The following LETM2 variants were observed in gnomAD, a reference collection of about 807,000 sequenced individuals.
LETM2 encodes LETM1 domain-containing protein LETM2, mitochondrial.
In LETM2, 58 loss-of-function variants were observed where a neutral mutation model predicts 59.6. The ratio of observed to expected loss-of-function variants is 0.97; its 90% CI spans 0.79 to 1.21. The LOEUF (loss-of-function observed/expected upper bound fraction) is 1.21, where lower values mean the gene tolerates loss of function less well. LETM2 is among the 50% of genes most tolerant of loss of function. The pLI, the probability that LETM2 is intolerant of heterozygous loss-of-function variation, is 0.00. For synonymous variants in LETM2, 199 were observed against 214.1 expected (o/e 0.93, Z 0.62); for missense variants, 572 against 575.7 (o/e 0.99, Z 0.07).
chr8:38,387,917 C>A, intron 1 of LETM2, 33 bp from the exon 2 acceptor site: 1 of 838,614 alleles, frequency 1.2e-6, no homozygotes, highest in Non-Finnish European at 1.9e-6. Context: ...TATTTTTAAA[C>A]TACTAAATTG....
chr8:38,387,944 GC>G lies in LETM2; in HGVS notation c.-34-4del. 8.5e-7 allele frequency: 1 copy of G among 1,172,430 alleles called. No homozygotes were observed. The highest frequency in any genetic ancestry group is 1.2e-6 in the Non-Finnish European group (1 of 823,774). 72.6% of individuals were successfully genotyped at this position (1,172,430 alleles called of 1,614,324 possible). A position where few individuals can be genotyped will look rare whatever the true frequency, so the allele number is the denominator to read the frequency against. ...ACTAAATTGTTTACTTACTCCTTTT[GC>G]CTAGGTCCCTATGTTAACTACTTGA... On this transcript the variant is annotated splice_polypyrimidine_tract_variant and splice_region_variant and intron_variant, in intron 1 of 10. Coordinates refer to ENST00000379957, the MANE Select transcript of LETM2 (RefSeq NM_001286819.2).
chr8:38,391,853 G>A (rs971539043), intron 2 of LETM2, among the ~76,000 whole-genome samples: 4 of 151,490 alleles, frequency 2.6e-5, no homozygotes, highest in African/African-American at 7.3e-5. Flanking sequence ...CACCACACCC[G>A]GCTAATTTTT....
intron 6 of LETM2, among the ~76,000 whole-genome samples, chr8:38,402,050 G>A (rs1173133801): frequency 1.3e-5 from 2 of 152,044 alleles, no homozygotes; most frequent in South Asian, 2.1e-4. Context: ...TTTGGGTTAC[G>A]CCAAGCAGAA....
intron 7 of LETM2, 38 bp from the exon 8 acceptor site, chr8:38,404,355 T>TTC: frequency 1.4e-6 from 2 of 1,391,676 alleles, no homozygotes; most frequent in Non-Finnish European, 2.0e-6. Flanking sequence ...GGCTCTGGTG[T>TTC]TCTGATTCTC....
intron 5 of LETM2, 121 bp from the exon 6 acceptor site, chr8:38,400,732 C>A (rs747121643): frequency 5.6e-6 from 5 of 898,252 alleles, no homozygotes; most frequent in Non-Finnish European, 8.6e-6. Flanking sequence ...ACCACGAAGC[C>A]GATTTCCAGA....
At chr8:38,387,832 T>C (rs1811891252) in intron 1 of LETM2, 118 bp from the exon 2 acceptor site, 1 of 572,620 alleles carries the variant, frequency 1.7e-6, no homozygotes, top group Non-Finnish European at 3.1e-6. Context: ...AAGGAGGTTT[T>C]GTACCTTAAC....
upstream of LETM2, among the ~76,000 whole-genome samples, chr8:38,383,836 A>G (rs538111943): frequency 1.3e-5 from 2 of 152,032 alleles, no homozygotes; most frequent in Non-Finnish European, 2.9e-5. Flanking sequence ...AGGCTGAGGC[A>G]GGAGAATGGC....
chr8:38,392,502 A>T, intron 2 of LETM2, 40 bp from the exon 3 acceptor site: 1 of 1,151,592 alleles, frequency 8.7e-7, no homozygotes, highest in Middle Eastern at 2.0e-4. Flanking sequence ...GCTTTGTAAT[A>T]GTATGTACTT....
chr8:38,396,075 T>A (rs1223618146), intron 4 of LETM2, among the ~76,000 whole-genome samples: 1 of 152,162 alleles, frequency 6.6e-6, no homozygotes, highest in Non-Finnish European at 1.5e-5. Flanking sequence ...CAACTGAAGG[T>A]CACCTACATT....
upstream of LETM2, chr8:38,383,077 G>C (rs1371261541): frequency 5.3e-5 from 8 of 152,248 alleles, no homozygotes; most frequent in Non-Finnish European, 1.2e-4. Flanking sequence ...CAGCCGCGGG[G>C]GACCGCGACG....
intron 3 of LETM2, 94 bp from the exon 4 acceptor site, chr8:38,394,004 T>G: frequency 9.4e-7 from 1 of 1,061,880 alleles, no homozygotes; most frequent in Non-Finnish European, 1.3e-6. Context: ...AGAAAGAAAA[T>G]GAAACAAGAC....
At chr8:38,408,011 G>A in intron 10 of LETM2, 1 of 525,010 alleles carries the variant, frequency 1.9e-6, no homozygotes, top group Non-Finnish European at 3.4e-6. Context: ...CACAGATGGG[G>A]TAAGCCCAGA....
Position 38,394,187 on chromosome 8 carries a change from T to A in LETM2, c.591T>A (p.Phe197Leu). ...TCATGGAATTCTTATTACCAGTGTT[T>A]CTGAAACTCTTCCCAGAGATGTTGC... is the stretch of plus-strand genomic sequence containing the variant. ...VPFMEFLLPV[F>L]LKLFPEMLPS... Residue 197 changes from phenylalanine (F) to leucine (L), a missense_variant, in exon 4 of 11, where the codon TTT (phenylalanine) becomes TTA (leucine). Transcript: ENST00000379957. The A allele has an allele frequency of 6.6e-7, 1 of 1,517,548 alleles. No homozygotes were observed. The highest frequency in any genetic ancestry group is 8.8e-7 in the Non-Finnish European group (1 of 1,139,658). 94.0% of individuals were successfully genotyped at this position (1,517,548 alleles called of 1,614,324 possible).
In LETM2 at chr8:38,392,995, G is replaced by A; in HGVS notation, c.501G>A (p.Arg167=). ...TCCTGACCAGACGAGAGAGACGAAG[G>A]GTAGGCAAGAATCATATTTGAGAAA... ...GQVLTRRERR[R]LLRTCVDFFR... Residue 167 remains arginine, a splice_region_variant and synonymous_variant, in exon 3 of 11, where the codon AGG becomes AGA. Coordinates refer to ENST00000379957, the MANE Select transcript of LETM2 (RefSeq NM_001286819.2). 2 of 1,583,884 alleles carry A rather than the reference G, an allele frequency of 1.3e-6. No individual in the cohort carries two copies. Among genetic ancestry groups the A allele is most frequent in the East Asian group, 2.2e-5 (1 of 44,516 alleles).
At chr8:38,402,033 C>G (rs1563395541) in intron 6 of LETM2, among the ~76,000 whole-genome samples, 2 of 151,986 alleles carry the variant, frequency 1.3e-5, no homozygotes, top group Non-Finnish European at 2.9e-5. Flanking sequence ...CCCAGAAATA[C>G]CATTGTTTTG....
chr8:38,394,957 T>G (rs554038118), intron 4 of LETM2, among the ~76,000 whole-genome samples: 10 of 152,306 alleles, frequency 6.6e-5, no homozygotes, highest in African/African-American at 2.4e-4. Context: ...AGTTTTGCCT[T>G]TTCCAGAATG....
chr8:38,406,787 C>A (rs1813754990), intron 8 of LETM2, 159 bp from the exon 9 acceptor site: 3 of 528,024 alleles, frequency 5.7e-6, no homozygotes, highest in African/African-American at 1.9e-5. Context: ...ACATCAGGGG[C>A]ATATTTCATA....
intron 9 of LETM2, 140 bp from the exon 10 acceptor site, chr8:38,407,222 G>A: frequency 5.1e-6 from 4 of 778,576 alleles, no homozygotes; most frequent in Non-Finnish European, 8.5e-6. Flanking sequence ...ACGTAATTAG[G>A]TTCCAGATTT....
At chr8:38,387,482 A>G (rs534147531) in intron 1 of LETM2, among the ~76,000 whole-genome samples, 2 of 152,180 alleles carry the variant, frequency 1.3e-5, no homozygotes, top group Admixed American at 6.5e-5. Flanking sequence ...ACCTTCATCC[A>G]CTGCTACATA....
Sources: allele counts gnomAD v4.1 joint callset (sites outside exome capture counted in the v4.1 genomes callset), GRCh38; gene constraint gnomAD v4.1.1; transcripts MANE v1.5; gene names NCBI Gene and HGNC (gene_info 2026-07-23, HGNC 2026-07-21).